Variants in UBR3 observed in about 807,000 individuals in gnomAD.
UBR3 encodes ubiquitin protein ligase E3 component n-recognin 3.
Under a neutral mutation model 243.2 loss-of-function variants are expected in UBR3, and 85 were observed. The ratio of observed to expected loss-of-function variants is 0.35; its 90% CI spans 0.29 to 0.42. The LOEUF (loss-of-function observed/expected upper bound fraction) is 0.42, where lower values mean the gene tolerates loss of function less well. Ranked by LOEUF, UBR3 falls within the 10% of genes least tolerant of loss-of-function variation. The pLI is 1.00. For missense variants in UBR3, 1,686 were observed against 2,300.8 expected (o/e 0.73, Z 5.47); for synonymous variants, 748 against 799.8 (o/e 0.94, Z 1.09).
chr2:169,924,212 C>A (rs1320668598), intron 13 of UBR3, 39 bp downstream of exon 13: 3 of 1,423,582 alleles, frequency 2.1e-6, no homozygotes, highest in Non-Finnish European at 2.8e-6. Flanking sequence ...GAAGTGGATT[C>A]CTTGTTTAAG....
At chr2:169,988,759 A>G (rs1193188433) in intron 25 of UBR3, among the ~76,000 whole-genome samples, 1 of 152,076 alleles carries the variant, frequency 6.6e-6, no homozygotes, top group Non-Finnish European at 1.5e-5. Flanking sequence ...CTGAGATTGC[A>G]CTCTAGCCTG....
intron 24 of UBR3, among the ~76,000 whole-genome samples, chr2:169,986,185 G>A (rs1370972239): frequency 6.6e-6 from 1 of 152,148 alleles, no homozygotes; most frequent in Non-Finnish European, 1.5e-5. Flanking sequence ...AGAATTGAGA[G>A]TGAGAAAGAA....
chr2:169,827,829 T>C lies in UBR3; in HGVS notation c.322T>C (p.Cys108Arg), dbSNP rs988691672. The C allele has an allele frequency of 1.3e-6, 2 of 1,503,126 alleles. No individual in the cohort carries two copies. The highest frequency in any genetic ancestry group is 1.2e-5 in the South Asian group (1 of 80,170). The allele number at this position is 1,503,126 out of a possible 1,614,324, so 93.1% of individuals were successfully genotyped here. ...GGGCGGCGGCGGCTACGACGAGTTC[T>C]GCGCGGCGGTGCGGGCCTACGATCC... Reference protein sequence around the residue: ...LAGGGGYDEFCAAVRAYDPAA... With the variant: ...LAGGGGYDEFRAAVRAYDPAA... The change falls in exon 1 of 39, where the codon TGC (cysteine) becomes CGC (arginine). Residue 108 changes from cysteine (C) to arginine (R), a missense_variant. Transcript: ENST00000272793.
At chr2:169,880,460 T>C (rs1385801406) in intron 5 of UBR3, among the ~76,000 whole-genome samples, 3 of 152,186 alleles carry the variant, frequency 2.0e-5, no homozygotes, top group Non-Finnish European at 2.9e-5. Context: ...TTCTCCTCTG[T>C]CTAGGACAGA....
chr2:169,951,584 A>G (rs73973163), intron 23 of UBR3, among the ~76,000 whole-genome samples: 3,350 of 152,250 alleles, frequency 0.022, 111 homozygotes, highest in African/African-American at 0.076. Context: ...ACATAAGGCT[A>G]AGAAGGTAAC....
At chr2:169,997,843 T>A (rs2089554351) in intron 26 of UBR3, among the ~76,000 whole-genome samples, 1 of 152,114 alleles carries the variant, frequency 6.6e-6, no homozygotes, top group Admixed American at 6.5e-5. Flanking sequence ...GGGGAGTGCA[T>A]GCTGAATGAT....
intron 11 of UBR3, among the ~76,000 whole-genome samples, chr2:169,917,027 G>A (rs1327598628): frequency 2.0e-5 from 3 of 152,134 alleles, no homozygotes; most frequent in African/African-American, 7.2e-5. Context: ...GTTTAGGAAG[G>A]GAAGAACCCT....
chr2:170,000,924 T>C (rs1211745094), intron 26 of UBR3, among the ~76,000 whole-genome samples: 3 of 152,144 alleles, frequency 2.0e-5, no homozygotes, highest in Non-Finnish European at 4.4e-5. Flanking sequence ...AGTAGGCGTT[T>C]CAAGAAGTAA....
intron 1 of UBR3, among the ~76,000 whole-genome samples, chr2:169,856,586 C>G (rs1229838635): frequency 6.6e-6 from 1 of 152,226 alleles, no homozygotes; most frequent in Non-Finnish European, 1.5e-5. Flanking sequence ...ATCCCGGCAC[C>G]TCGGGAGGCC....
intron 11 of UBR3, among the ~76,000 whole-genome samples, chr2:169,915,410 A>G (rs187970884): frequency 1.4e-4 from 21 of 151,960 alleles, no homozygotes; most frequent in African/African-American, 4.8e-4. Context: ...ATTTTTTTGT[A>G]TTTTTAGTAG....
chr2:170,032,782 A>T (rs756162510), intron 31 of UBR3, among the ~76,000 whole-genome samples: 1 of 151,828 alleles, frequency 6.6e-6, no homozygotes, highest in Non-Finnish European at 1.5e-5. Context: ...GTTACTGATG[A>T]TCATAACTCT....
At chr2:169,852,632 C>A (rs1237262825) in intron 1 of UBR3, among the ~76,000 whole-genome samples, 1 of 148,584 alleles carries the variant, frequency 6.7e-6, no homozygotes, top group Non-Finnish European at 1.5e-5. Context: ...CACTTGAGGT[C>A]AGGGATTTGA....
intron 20 of UBR3, among the ~76,000 whole-genome samples, chr2:169,944,147 T>C (rs2086700398): frequency 6.6e-6 from 1 of 152,236 alleles, no homozygotes; most frequent in African/African-American, 2.4e-5. Context: ...TGGACAGTCT[T>C]TGAATGTTTA....
chr2:169,854,794 T>C (rs2082780384), intron 1 of UBR3, among the ~76,000 whole-genome samples: 1 of 152,108 alleles, frequency 6.6e-6, no homozygotes, highest in Non-Finnish European at 1.5e-5. Context: ...AGTTTTCTGG[T>C]TGTTTTTTTA....
chr2:170,060,454 C>A (rs1410863978), intron 33 of UBR3, among the ~76,000 whole-genome samples: 1 of 151,598 alleles, frequency 6.6e-6, no homozygotes, highest in East Asian at 1.9e-4. Context: ...TTTAATAAAT[C>A]CTCAAAGACA....
At chr2:169,985,474 G>T (rs944994573) in intron 24 of UBR3, among the ~76,000 whole-genome samples, 1 of 151,616 alleles carries the variant, frequency 6.6e-6, no homozygotes, top group East Asian at 1.9e-4. Context: ...CAGGTGATCC[G>T]CCCGCCTCAG....
At position 169,905,472 on chromosome 2, in the gene UBR3, G is replaced by C. The variant is rs140677563; in HGVS notation, c.1645+179G>C. On this transcript the variant is annotated intron_variant, in intron 9 of 38. Coordinates refer to ENST00000272793, the MANE Select transcript of UBR3 (RefSeq NM_172070.4). ...TTCATAAAACATACCAAGGAGTTAGGAAAAATGTCAAATGATTGAAAAAGA... is the reference window on the plus strand; with the variant it reads ...TTCATAAAACATACCAAGGAGTTAGCAAAAATGTCAAATGATTGAAAAAGA... 4.7e-4 allele frequency among the ~76,000 whole-genome samples: 71 copies of C among 152,228 alleles called. 1 individual carries two copies. In the East Asian group the frequency reaches 0.012, roughly 26 times the overall value.
rs1298873497 is a variant in UBR3 at position 169,833,061 on chromosome 2, C to T, written c.545+5009C>T. 4.6e-5 allele frequency among the ~76,000 whole-genome samples: 7 copies of T among 152,166 alleles called. No individual in the cohort carries two copies. The East Asian group carries it at 1.2e-3, about 25-fold the overall frequency. On this transcript the variant is annotated intron_variant, in intron 1 of 38. Coordinates refer to ENST00000272793, the MANE Select transcript of UBR3 (RefSeq NM_172070.4). ...GACTGGTTCCAGAATACCCACCTCC[C>T]ACCCACTCTTCAGGGTATACTGAAA...
intron 23 of UBR3, among the ~76,000 whole-genome samples, chr2:169,957,654 A>G (rs2087369675): frequency 6.6e-6 from 1 of 152,132 alleles, no homozygotes; most frequent in African/African-American, 2.4e-5. Flanking sequence ...TGGCACATGT[A>G]TACATATGTA....
Sources: gnomAD v4.1 joint callset for allele counts (sites outside exome capture counted in the v4.1 genomes callset) on GRCh38, gnomAD v4.1.1 for gene constraint, MANE v1.5 for transcripts, NCBI Gene and HGNC (gene_info 2026-07-23, HGNC 2026-07-21) for gene names.